Variants in PLD5 observed in about 807,000 individuals in gnomAD.
The protein encoded by PLD5 is phospholipase D family member 5, also known as inactive phospholipase D5.
A neutral mutation model predicts 61.1 loss-of-function variants in PLD5; 36 were observed. The ratio of observed to expected loss-of-function variants is 0.59; its 90% CI spans 0.45 to 0.78. The LOEUF (loss-of-function observed/expected upper bound fraction) is 0.78. Among genes scored for constraint, PLD5 ranks in the 30% least tolerant of loss-of-function variants. PLD5 has a pLI of 0.00. For synonymous variants in PLD5, 243 were observed against 242.8 expected, an observed-to-expected ratio of 1.00 and a Z score of -0.01; for missense variants, 515 against 644.4, an observed-to-expected ratio of 0.80 and a Z score of 2.17.
At chr1:242,351,427 GA>G (rs1660471200) in intron 1 of PLD5, among the ~76,000 whole-genome samples, 1 of 152,148 alleles carries the variant, frequency 6.6e-6, no homozygotes, top group African/African-American at 2.4e-5. Context: ...GGAGGTAATT[GA>G]ATCATGGGGG....
intron 9 of PLD5, among the ~76,000 whole-genome samples, chr1:242,093,399 TCATCCCCA>T (rs1341261513): frequency 6.6e-6 from 1 of 152,116 alleles, no homozygotes; most frequent in African/African-American, 2.4e-5. Context: ...CACTAAACTC[TCATCCCCA>T]CAGCTGTTGC....
chr1:242,224,632 T>C (rs1190457386), intron 4 of PLD5, among the ~76,000 whole-genome samples: 1 of 152,204 alleles, frequency 6.6e-6, no homozygotes, highest in Non-Finnish European at 1.5e-5. Context: ...GTCCTGTTAC[T>C]GGTTTCCTTT....
chr1:242,471,583 C>T (rs1167135372), intron 1 of PLD5, among the ~76,000 whole-genome samples: 4 of 151,804 alleles, frequency 2.6e-5, no homozygotes, highest in African/African-American at 7.3e-5. Context: ...ATTTTCTTAA[C>T]CTCCAAATAC....
intron 1 of PLD5, among the ~76,000 whole-genome samples, chr1:242,499,085 C>T (rs564908774): frequency 1.3e-5 from 2 of 152,212 alleles, no homozygotes; most frequent in African/African-American, 2.4e-5. Flanking sequence ...AGGAAGGATT[C>T]GTTTCTTTGC....
intron 2 of PLD5, among the ~76,000 whole-genome samples, chr1:242,320,856 T>C (rs2149186812): frequency 6.6e-6 from 1 of 152,176 alleles, no homozygotes. Flanking sequence ...AGCAATATTT[T>C]CTTTAAAGCT....
At position 242,388,556 on chromosome 1, in the gene PLD5, A is replaced by C. The variant is rs550543674; in HGVS notation, c.190-40314T>G. ...GGATGGAATTCCACATAATGGGCTA[A>C]GAATTACTGAGGCGGCATAGTAGGG... On this transcript the variant is annotated intron_variant, in intron 1 of 9. Transcript: ENST00000536534. Among the ~76,000 whole-genome samples, 68 of 152,300 alleles carry C rather than the reference A, an allele frequency of 4.5e-4. No homozygotes were observed. In the South Asian group the frequency reaches 0.013, roughly 30 times the overall value.
At chr1:242,410,067 A>C (rs556626063) in intron 1 of PLD5, among the ~76,000 whole-genome samples, 1 of 152,224 alleles carries the variant, frequency 6.6e-6, no homozygotes, top group South Asian at 2.1e-4. Flanking sequence ...AATAACTCCT[A>C]TAATATTCCT....
chr1:242,525,708 A>G (rs1181793648), upstream of PLD5, among the ~76,000 whole-genome samples: 1 of 152,168 alleles, frequency 6.6e-6, no homozygotes, highest in Non-Finnish European at 1.5e-5. Flanking sequence ...GGGTAAACTG[A>G]AGGCTCTCTA....
intron 5 of PLD5, among the ~76,000 whole-genome samples, chr1:242,165,778 G>A (rs77376037): frequency 0.011 from 1,744 of 152,280 alleles, 38 homozygotes; most frequent in East Asian, 0.059. Flanking sequence ...GGCCAGAGAT[G>A]ATGAGAACTC....
intron 1 of PLD5, chr1:242,376,828 T>G (rs1661990301): frequency 1.5e-6 from 2 of 1,299,938 alleles, no homozygotes; most frequent in Non-Finnish European, 2.1e-6. Context: ...TAGACAGTAC[T>G]GTTAATTCTA....
At chr1:242,349,335 G>A (rs1574777140) in intron 1 of PLD5, among the ~76,000 whole-genome samples, 1 of 147,716 alleles carries the variant, frequency 6.8e-6, no homozygotes, top group South Asian at 2.1e-4. Context: ...CTTAGAGTCT[G>A]TTCTATCAGC....
chr1:242,104,290 G>C lies in PLD5; in HGVS notation c.1239+3381C>G, dbSNP rs537159975. 2.9e-5 allele frequency among the ~76,000 whole-genome samples: 4 copies of C among 138,630 alleles called. No homozygotes were observed. In the East Asian group the frequency reaches 6.4e-4, roughly 22 times the overall value. 90.9% of individuals were successfully genotyped at this position (138,630 alleles called of 152,430 possible). A position where few individuals can be genotyped will look rare whatever the true frequency, so the allele number is the denominator to read the frequency against. ...AGATATGCACCACCACACCTGGCTA[G>C]TTTTTGCTTTTTTTTTTTTTTTTTG... On this transcript the variant is annotated intron_variant, in intron 8 of 9. Transcript: ENST00000536534.
intron 1 of PLD5, among the ~76,000 whole-genome samples, chr1:242,392,971 A>C (rs2149266031): frequency 6.6e-6 from 1 of 151,836 alleles, no homozygotes; most frequent in South Asian, 2.1e-4. Flanking sequence ...TGGGAGGCCG[A>C]GGCGGGTGGA....
intron 3 of PLD5, among the ~76,000 whole-genome samples, chr1:242,278,581 C>A (rs1674542612): frequency 6.6e-6 from 1 of 152,222 alleles, no homozygotes; most frequent in Admixed American, 6.5e-5. Context: ...GTGAGCTCTG[C>A]TGCACAGTTC....
intron 4 of PLD5, among the ~76,000 whole-genome samples, chr1:242,245,977 G>A (rs912359593): frequency 6.6e-6 from 1 of 152,126 alleles, no homozygotes. Flanking sequence ...TACCTATCAC[G>A]TGCCAGGTAC....
intron 1 of PLD5, among the ~76,000 whole-genome samples, chr1:242,394,184 GTATATATGAGTA>G (rs1663199401): frequency 3.2e-5 from 2 of 61,578 alleles, no homozygotes; most frequent in Admixed American, 2.2e-4. Context: ...GTATATATGA[GTATATATGAGTA>G]TATATATGTG....
At chr1:242,418,894 A>G (rs73133731) in intron 1 of PLD5, among the ~76,000 whole-genome samples, 5,691 of 152,240 alleles carry the variant, frequency 0.037, 384 homozygotes, top group African/African-American at 0.13. Flanking sequence ...CCAGCACCAA[A>G]TGGAATAGTA....
chr1:242,102,825 T>C (rs1660785000), intron 8 of PLD5, among the ~76,000 whole-genome samples: 1 of 152,228 alleles, frequency 6.6e-6, no homozygotes, highest in Non-Finnish European at 1.5e-5. Flanking sequence ...AATGGCTATA[T>C]GTGAACTACT....
chr1:242,314,533 A>C (rs1037464264), intron 2 of PLD5, among the ~76,000 whole-genome samples: 7 of 152,186 alleles, frequency 4.6e-5, no homozygotes, highest in Non-Finnish European at 1.0e-4. Context: ...CTTCTCTCCG[A>C]ACTAGGGCTT....
Sources: gnomAD v4.1 joint callset for allele counts (sites outside exome capture counted in the v4.1 genomes callset) on GRCh38, gnomAD v4.1.1 for gene constraint, MANE v1.5 for transcripts, NCBI Gene and HGNC (gene_info 2026-07-23, HGNC 2026-07-21) for gene names.